Variants in NIPBL observed in about 807,000 individuals in gnomAD.
NIPBL encodes the protein NIPBL cohesin loading factor.
A neutral mutation model predicts 321.8 loss-of-function variants in NIPBL; 19 were observed. The observed-to-expected ratio is 0.06, with a 90% CI of 0.04 to 0.09. The LOEUF is 0.09. NIPBL is among the 10% of genes least tolerant of loss of function. NIPBL has a pLI of 1.00. For synonymous variants in NIPBL, 1,106 were observed against 1,114.1 expected (o/e 0.99, Z 0.14); for missense variants, 2,210 against 3,327.0 (o/e 0.66, Z 8.26).
At chr5:36,924,054 T>C (rs192988116) in intron 1 of NIPBL, among the ~76,000 whole-genome samples, 47 of 152,290 alleles carry the variant, frequency 3.1e-4, no homozygotes, top group African/African-American at 1.1e-3. Flanking sequence ...TTATTATCTT[T>C]AGGATTTTCT....
chr5:37,038,841 G>A (rs1047590839), intron 34 of NIPBL, 103 bp downstream of exon 34: 11 of 1,159,094 alleles, frequency 9.5e-6, no homozygotes, highest in Non-Finnish European at 1.4e-5. Context: ...CAGATCAACT[G>A]TGTCATTTAC....
chr5:36,960,332 C>A lies in NIPBL; in HGVS notation c.359-1152C>A, dbSNP rs144324544. Among the ~76,000 whole-genome samples the A allele has an allele frequency of 2.7e-3, 405 of 151,378 alleles. 2 individuals carry two copies. Among genetic ancestry groups the A allele is most frequent in the African/African-American group, 9.5e-3 (392 of 41,346 alleles). Reference sequence around the variant, plus strand: ...TTCAGGGGGGAAAAGCTTTTTAACTCCTGTCTCATTGAGTGTTCATCTCCC... The same window carrying A: ...TTCAGGGGGGAAAAGCTTTTTAACTACTGTCTCATTGAGTGTTCATCTCCC... On this transcript the variant is annotated intron_variant, in intron 4 of 46. Transcript: ENST00000282516.
chr5:36,881,996 A>G (rs1411555562), intron 1 of NIPBL, among the ~76,000 whole-genome samples: 1 of 151,988 alleles, frequency 6.6e-6, no homozygotes. Flanking sequence ...GATAGTAGCT[A>G]GATCTATAAA....
chr5:36,960,770 G>A (rs920874123), intron 4 of NIPBL, among the ~76,000 whole-genome samples: 1 of 152,126 alleles, frequency 6.6e-6, no homozygotes. Flanking sequence ...CTAAATAAGT[G>A]AATTTTTCTG....
intron 1 of NIPBL, among the ~76,000 whole-genome samples, chr5:36,901,659 A>G (rs531489326): frequency 1.8e-4 from 28 of 151,916 alleles, no homozygotes; most frequent in African/African-American, 6.5e-4. Context: ...ACAGGCGTGC[A>G]CCACCACACC....
At chr5:36,918,833 ATT>A (rs923847811) in intron 1 of NIPBL, among the ~76,000 whole-genome samples, 2 of 151,906 alleles carry the variant, frequency 1.3e-5, no homozygotes, top group African/African-American at 4.8e-5. Context: ...ACGTTTATTG[ATT>A]TTTGTATGTT....
At chr5:36,930,838 ATTAAT>A (rs1749722967) in intron 1 of NIPBL, among the ~76,000 whole-genome samples, 1 of 152,178 alleles carries the variant, frequency 6.6e-6, no homozygotes. Flanking sequence ...GATGTTTTAC[ATTAAT>A]TTATTTTTAG....
At chr5:37,000,255 A>G in intron 11 of NIPBL, 118 bp from the exon 12 acceptor site, 1 of 936,084 alleles carries the variant, frequency 1.1e-6, no homozygotes, top group Non-Finnish European at 1.6e-6. Flanking sequence ...AAAATCACTG[A>G]ATTTCCTAGA....
rs1422071613 is a variant in NIPBL, at chr5:36,985,356, A to G, written c.2176A>G (p.Lys726Glu). 2.5e-6 allele frequency: 4 copies of G among 1,613,740 alleles called. No individual in the cohort carries two copies. The highest frequency in any genetic ancestry group is 1.7e-5 in the Admixed American group (1 of 59,864). ...QKSDGHPETP[K>E]QKGDGRPETP... ...GAGTGATGGGCATCCTGAAACCCCAAAACAGAAGGGTGATGGAAGGCCTGA... is the reference window on the plus strand; with the variant it reads ...GAGTGATGGGCATCCTGAAACCCCAGAACAGAAGGGTGATGGAAGGCCTGA... Residue 726 changes from lysine (K) to glutamate (E), a missense_variant, in exon 10 of 47, where the codon AAA (lysine) becomes GAA (glutamate). By Grantham distance (56) the Lys-to-Glu change is moderately conservative. This residue lies in a region of NIPBL where 588 missense variants were observed against 564.1 expected (regional missense o/e 1.04). Coordinates refer to ENST00000282516, the MANE Select transcript of NIPBL (RefSeq NM_133433.4).
intron 34 of NIPBL, among the ~76,000 whole-genome samples, chr5:37,040,598 C>G (rs1348006029): frequency 6.6e-6 from 1 of 151,918 alleles, no homozygotes; most frequent in Non-Finnish European, 1.5e-5. Flanking sequence ...TAATCATTTC[C>G]CTATTTGGCA....
intron 32 of NIPBL, among the ~76,000 whole-genome samples, chr5:37,033,973 G>T (rs1272691155): frequency 2.0e-5 from 3 of 151,330 alleles, no homozygotes; most frequent in Admixed American, 1.3e-4. Flanking sequence ...CACAAAATGG[G>T]AAAAGATATT....
chr5:36,958,569 A>G (rs1038588304), intron 4 of NIPBL, among the ~76,000 whole-genome samples: 6 of 152,196 alleles, frequency 3.9e-5, no homozygotes, highest in African/African-American at 9.6e-5. Flanking sequence ...GAACATGTAC[A>G]TTGTAGCAGG....
intron 20 of NIPBL, 46 bp from the exon 21 acceptor site, chr5:37,010,041 T>G: frequency 1.3e-4 from 189 of 1,423,592 alleles, no homozygotes; most frequent in Non-Finnish European, 1.7e-4. Context: ...GACATTTAAA[T>G]GAGATTATCT....
At chr5:37,007,878 AGGT>A in intron 18 of NIPBL, 127 bp from the exon 19 acceptor site, 2 of 690,058 alleles carry the variant, frequency 2.9e-6, no homozygotes, top group Non-Finnish European at 5.3e-6. Context: ...GATGCTGATT[AGGT>A]GGGGAAAAGA....
At chr5:36,995,838 G>C (rs781122249) in intron 11 of NIPBL, 34 bp downstream of exon 11, 2 of 1,572,894 alleles carry the variant, frequency 1.3e-6, no homozygotes, top group Non-Finnish European at 1.7e-6. Flanking sequence ...TATTATTTTA[G>C]AGTTTAAAAG....
At chr5:36,979,707 T>G (rs1233836489) in intron 9 of NIPBL, among the ~76,000 whole-genome samples, 1 of 151,698 alleles carries the variant, frequency 6.6e-6, no homozygotes, top group Non-Finnish European at 1.5e-5. Context: ...GTTCAGGAAA[T>G]AAATATATAG....
chr5:37,022,401 C>A lies in NIPBL; in HGVS notation c.5574+11C>A. ...ATTGAAAGAATATTGGTATGTTTGT[C>A]ATTTTTATAATGATTCGTGAATATA... On this transcript the variant is annotated intron_variant, in intron 29 of 46. Coordinates refer to ENST00000282516, the MANE Select transcript of NIPBL (RefSeq NM_133433.4). 6.3e-7 allele frequency: 1 copy of A among 1,593,552 alleles called. No homozygotes were observed. The highest frequency in any genetic ancestry group is 1.1e-5 in the South Asian group (1 of 88,942).
intron 4 of NIPBL, among the ~76,000 whole-genome samples, chr5:36,960,863 T>G (rs2149606218): frequency 6.6e-6 from 1 of 152,320 alleles, no homozygotes; most frequent in Admixed American, 6.5e-5. Context: ...CAGAATGCTC[T>G]TCACAGGTTT....
At chr5:37,003,649 C>G (rs910676512) in intron 16 of NIPBL, among the ~76,000 whole-genome samples, 1 of 152,116 alleles carries the variant, frequency 6.6e-6, no homozygotes, top group African/African-American at 2.4e-5. Context: ...AATCTATCAT[C>G]TGTCCATTAG....
Sources: allele counts gnomAD v4.1 joint callset (sites outside exome capture counted in the v4.1 genomes callset), GRCh38; gene constraint gnomAD v4.1.1; regional missense constraint gnomAD v4.1.1; transcripts MANE v1.5; gene names NCBI Gene and HGNC (gene_info 2026-07-23, HGNC 2026-07-21).